Variants in CDKL1 observed in about 807,000 individuals in gnomAD.
The protein encoded by CDKL1 is cyclin-dependent kinase-like 1.
In CDKL1, 41 loss-of-function variants were observed where a neutral mutation model predicts 42.0. That is an observed-to-expected ratio of 0.98 (90% confidence interval 0.76 to 1.27). The LOEUF (loss-of-function observed/expected upper bound fraction) is 1.27. CDKL1 is among the 50% of genes most tolerant of loss of function. The pLI, the probability that CDKL1 is intolerant of heterozygous loss-of-function variation, is 0.00. For missense variants in CDKL1, 394 were observed against 428.4 expected (o/e 0.92, Z 0.71); for synonymous variants, 153 against 158.6 (o/e 0.96, Z 0.26).
chr14:50,389,516 C>A (rs916216932), intron 2 of CDKL1, among the ~76,000 whole-genome samples: 4 of 152,068 alleles, frequency 2.6e-5, no homozygotes, highest in Non-Finnish European at 5.9e-5. Flanking sequence ...AATTTTCACC[C>A]TTTAGGAGTG....
chr14:50,330,317 A>G, intron 9 of CDKL1, 136 bp from the exon 10 acceptor site: 2 of 1,089,744 alleles, frequency 1.8e-6, no homozygotes, highest in Non-Finnish European at 2.5e-6. Flanking sequence ...AGGACTTGAG[A>G]GAGGATTAAA....
intron 3 of CDKL1, among the ~76,000 whole-genome samples, chr14:50,353,894 AT>A (rs1362842831): frequency 1.3e-5 from 2 of 152,142 alleles, no homozygotes; most frequent in Non-Finnish European, 2.9e-5. Context: ...ATTTAACTAA[AT>A]AAAAACAAAA....
Position 50,327,886 on chromosome 14 carries a change from A to G in CDKL1, c.*2188T>C, listed in dbSNP as rs1265445625. On this transcript the variant is annotated 3_prime_UTR_variant, in exon 10 of 10. Transcript: ENST00000395834. ...CAGCTTATACAAATAACACAGTATA[A>G]ATGGTAATTGCCACTGTCATTTTAA... 2 of 152,220 alleles carry G rather than the reference A, an allele frequency of 1.3e-5. No individual in the cohort carries two copies. The allele number at this position is 152,220 out of a possible 1,614,324, so 9.4% of individuals were successfully genotyped here.
intron 2 of CDKL1, among the ~76,000 whole-genome samples, chr14:50,366,876 A>G (rs1361171265): frequency 6.6e-6 from 1 of 151,374 alleles, no homozygotes; most frequent in Non-Finnish European, 1.5e-5. Context: ...GGGGAGTAAG[A>G]CTGGGAGAAA....
Position 50,395,849 on chromosome 14 carries a change from A to T in CDKL1, c.20T>A (p.Ile7Asn), listed in dbSNP as rs528000339. The T allele has an allele frequency of 9.9e-6, 16 of 1,611,920 alleles. No individual in the cohort carries two copies. The East Asian group carries it at 2.7e-4, about 27-fold the overall frequency. MEKYEK[I>N]GKIGEGSYGV... The stretch of plus-strand genomic sequence containing the variant: ...ATAGGATCCTTCTCCAATTTTCCCA[A>T]TTTTTTCATACTTCTCCATCATAGA... The change falls in exon 2 of 10, where the codon ATT becomes AAT. Residue 7 changes from isoleucine (I) to asparagine (N), a missense_variant. Physicochemically the swap from Ile to Asn is moderately radical, Grantham distance 149. Transcript: ENST00000395834.
Position 50,341,198 on chromosome 14 carries a change from A to G in CDKL1, c.489T>C (p.Ala163=). Residue 163 remains alanine, a synonymous_variant, in exon 6 of 10, where the codon GCT becomes GCC. Transcript: ENST00000395834. The part of the protein sequence containing the change: ...GPSDYYTDYV[A]TRWYRSPELL... ...GCTCAGGGGAGCGGTACCACCTGGTAGCCACGTAGTCTGTATAGTAGTCAC... is the reference window on the plus strand; with the variant it reads ...GCTCAGGGGAGCGGTACCACCTGGTGGCCACGTAGTCTGTATAGTAGTCAC... The G allele has an allele frequency of 1.2e-6, 2 of 1,614,120 alleles. No individual in the cohort carries two copies. Among genetic ancestry groups the G allele is most frequent in the South Asian group, 1.1e-5 (1 of 91,078 alleles).
At chr14:50,336,472 C>T (rs1011690108) in intron 7 of CDKL1, among the ~76,000 whole-genome samples, 2 of 152,112 alleles carry the variant, frequency 1.3e-5, no homozygotes, top group Admixed American at 1.3e-4. Flanking sequence ...GGTGTCATTC[C>T]TGCCCCTCCG....
At position 50,326,767 on chromosome 14, in the gene CDKL1, G is replaced by A. The variant is rs568533881; in HGVS notation, c.*3307C>T. On this transcript the variant is annotated 3_prime_UTR_variant, in exon 10 of 10. Coordinates refer to ENST00000395834, the MANE Select transcript of CDKL1 (RefSeq NM_004196.7). ...AACCTAACATTGCTTTAGGCTGGGT[G>A]CCGTGGCTCGTGCCTGTAATCCCAG... The A allele has an allele frequency of 4.1e-6, 4 of 985,206 alleles. No homozygotes were observed. In the African/African-American group the frequency reaches 7.0e-5, roughly 17 times the overall value. 61.0% of individuals were successfully genotyped at this position (985,206 alleles called of 1,614,324 possible).
chr14:50,335,566 A>C, intron 7 of CDKL1: 1 of 1,535,842 alleles, frequency 6.5e-7, no homozygotes, highest in Non-Finnish European at 8.7e-7. Flanking sequence ...TAACACTATA[A>C]ATGGGAGGAA....
chr14:50,394,129 A>G (rs187939833), intron 2 of CDKL1, among the ~76,000 whole-genome samples: 16 of 152,376 alleles, frequency 1.1e-4, no homozygotes, highest in African/African-American at 3.8e-4. Flanking sequence ...TCAGAATCAG[A>G]AAAAGAGTAT....
In CDKL1 at chr14:50,328,401, A is replaced by C. The variant is rs934351819; in HGVS notation, c.*1673T>G. 6.6e-6 allele frequency: 1 copy of C among 152,218 alleles called. No individual in the cohort carries two copies. Among genetic ancestry groups the C allele is most frequent in the African/African-American group, 2.4e-5 (1 of 41,444 alleles). The allele number at this position is 152,218 out of a possible 1,614,324, so 9.4% of individuals were successfully genotyped here. On this transcript the variant is annotated 3_prime_UTR_variant, in exon 10 of 10. Transcript: ENST00000395834. ...ATCATTAAACTGCCTAGGGTAGTCAAAATTATTGAGTAGACACCAGACCTC... is the reference window on the plus strand; with the variant it reads ...ATCATTAAACTGCCTAGGGTAGTCACAATTATTGAGTAGACACCAGACCTC...
chr14:50,374,076 C>T (rs61424487), intron 2 of CDKL1, among the ~76,000 whole-genome samples: 42,121 of 151,964 alleles, frequency 0.28, 7,137 homozygotes, highest in African/African-American at 0.47. Context: ...ATTCATATAA[C>T]GTGATATCAT....
chr14:50,326,623 A>C lies in CDKL1; in HGVS notation c.*3451T>G, dbSNP rs1235892838. 1.0e-6 allele frequency: 1 copy of C among 985,348 alleles called. No homozygotes were observed. Among genetic ancestry groups the C allele is most frequent in the Non-Finnish European group, 1.2e-6 (1 of 829,934 alleles). 61.0% of individuals were successfully genotyped at this position (985,348 alleles called of 1,614,324 possible). Reference sequence around the variant, plus strand: ...CTTAATTTGTCTATTTTGTAAGCTTAGGCTACTATTTTATTAAAACTGGAC... The same window carrying C: ...CTTAATTTGTCTATTTTGTAAGCTTCGGCTACTATTTTATTAAAACTGGAC... On this transcript the variant is annotated 3_prime_UTR_variant, in exon 10 of 10. Coordinates refer to ENST00000395834, the MANE Select transcript of CDKL1 (RefSeq NM_004196.7).
At position 50,329,754 on chromosome 14, in the gene CDKL1, C is replaced by T; in HGVS notation, c.*320G>A. 1 of 228,186 alleles carries T rather than the reference C, an allele frequency of 4.4e-6. No individual in the cohort carries two copies. The highest frequency in any genetic ancestry group is 6.3e-5 in the South Asian group (1 of 15,768). 14.1% of individuals were successfully genotyped at this position (228,186 alleles called of 1,614,324 possible). ...TGTGTGGCATGTGGTACAACTGAAG[C>T]ATAAATCTTTTTGATATCATCTAGT... is the stretch of plus-strand genomic sequence containing the variant. On this transcript the variant is annotated 3_prime_UTR_variant, in exon 10 of 10. Transcript: ENST00000395834.
chr14:50,350,590 A>G (rs1317115451), intron 3 of CDKL1, among the ~76,000 whole-genome samples: 7 of 152,188 alleles, frequency 4.6e-5, no homozygotes, highest in Admixed American at 4.6e-4. Flanking sequence ...TAGTACTCCA[A>G]GGGAGCTGGA....
chr14:50,384,394 C>A (rs763429396), intron 2 of CDKL1, among the ~76,000 whole-genome samples: 10 of 152,200 alleles, frequency 6.6e-5, no homozygotes, highest in Non-Finnish European at 1.5e-4. Flanking sequence ...ATCTCATTCT[C>A]ACTAAAAGGA....
chr14:50,366,473 T>C (rs1056695574), intron 2 of CDKL1, among the ~76,000 whole-genome samples: 2 of 152,166 alleles, frequency 1.3e-5, no homozygotes, highest in African/African-American at 4.8e-5. Flanking sequence ...CTACAGGGCC[T>C]TGCAGGCCAC....
At position 50,373,555 on chromosome 14, in the gene CDKL1, C is replaced by G. The variant is rs79193628; in HGVS notation, c.169-14406G>C. Reference sequence around the variant, plus strand: ...TGCTATAACTTTTTTGGGAAAGTTACTGGCAATATTTATTACATTAAAACC... The same window carrying G: ...TGCTATAACTTTTTTGGGAAAGTTAGTGGCAATATTTATTACATTAAAACC... On this transcript the variant is annotated intron_variant, in intron 2 of 9. Transcript: ENST00000395834. 4.3e-3 allele frequency among the ~76,000 whole-genome samples: 660 copies of G among 152,272 alleles called. 5 individuals carry two copies. The highest frequency in any genetic ancestry group is 0.015 in the African/African-American group (625 of 41,562).
chr14:50,333,622 T>C (rs1449336461), intron 8 of CDKL1: 1 of 152,196 alleles, frequency 6.6e-6, no homozygotes, highest in Non-Finnish European at 1.5e-5. Flanking sequence ...AGCCATTCTT[T>C]TATTCCTTTA....
Sources: allele counts gnomAD v4.1 joint callset (sites outside exome capture counted in the v4.1 genomes callset), GRCh38; gene constraint gnomAD v4.1.1; transcripts MANE v1.5; gene names NCBI Gene and HGNC (gene_info 2026-07-23, HGNC 2026-07-21).